The following ISM1 variants were observed in gnomAD, a reference collection of about 807,000 sequenced individuals.
The protein encoded by ISM1 is isthmin 1.
In ISM1, 25 loss-of-function variants were observed where a neutral mutation model predicts 46.3. That is an observed-to-expected ratio of 0.54 (90% CI 0.39 to 0.75). The LOEUF is 0.75. ISM1 is among the 30% of genes least tolerant of loss of function. The pLI, the probability that ISM1 is intolerant of heterozygous loss-of-function variation, is 0.00. For synonymous variants in ISM1, 255 were observed against 256.7 expected (o/e 0.99, Z 0.06); for missense variants, 536 against 625.4 (o/e 0.86, Z 1.52).
At chr20:13,276,803 T>G (rs1015195578) in intron 2 of ISM1, among the ~76,000 whole-genome samples, 7 of 152,174 alleles carry the variant, frequency 4.6e-5, no homozygotes, top group Non-Finnish European at 8.8e-5. Flanking sequence ...AAACGAGCCC[T>G]CGCCATTGGA....
At chr20:13,241,432 TGA>T (rs1022350175) in intron 1 of ISM1, among the ~76,000 whole-genome samples, 4 of 151,968 alleles carry the variant, frequency 2.6e-5, no homozygotes, top group African/African-American at 9.7e-5. Context: ...GATGCAAAAC[TGA>T]GAGAGGAGAA....
At chr20:13,280,391 ACCCC>A (rs33933983) in intron 3 of ISM1, among the ~76,000 whole-genome samples, 24 of 132,102 alleles carry the variant, frequency 1.8e-4, no homozygotes, top group African/African-American at 5.8e-4. Flanking sequence ...CTTCAAAGTA[ACCCC>A]CCCCCCCCAA....
In ISM1 at chr20:13,249,785, G is replaced by A. The variant is rs982894464; in HGVS notation, c.139-20719G>A. Among the ~76,000 whole-genome samples the A allele has an allele frequency of 2.7e-3, 16 of 6,004 alleles. No individual in the cohort carries two copies. In the East Asian group the frequency reaches 0.058, roughly 22 times the overall value. 3.9% of individuals were successfully genotyped at this position (6,004 alleles called of 152,430 possible). ...CCTCCATCATTTTTTGTTGCGTTTT[G>A]TTTTGTTTTGTTTTGTTTTGTTTTG... On this transcript the variant is annotated intron_variant, in intron 1 of 5. Coordinates refer to ENST00000262487, the MANE Select transcript of ISM1 (RefSeq NM_080826.2).
At chr20:13,286,589 G>A (rs1374327379) in intron 3 of ISM1, among the ~76,000 whole-genome samples, 2 of 152,120 alleles carry the variant, frequency 1.3e-5, no homozygotes, top group African/African-American at 4.8e-5. Context: ...GGCCTCGGGG[G>A]GCAGATAAGA....
intron 5 of ISM1, among the ~76,000 whole-genome samples, chr20:13,292,666 T>G (rs1214172980): frequency 6.6e-6 from 1 of 152,124 alleles, no homozygotes; most frequent in Non-Finnish European, 1.5e-5. Context: ...ACCGAGCGCT[T>G]CTGTGTTCAC....
intron 1 of ISM1, among the ~76,000 whole-genome samples, chr20:13,227,540 G>C (rs1311988627): frequency 8.7e-6 from 1 of 114,734 alleles, no homozygotes; most frequent in African/African-American, 3.4e-5. Context: ...ACGGAGTCTT[G>C]CTCTGTCACC....
intron 2 of ISM1, 87 bp downstream of exon 2, chr20:13,270,830 C>A: frequency 1.6e-6 from 2 of 1,290,124 alleles, no homozygotes; most frequent in Non-Finnish European, 2.2e-6. Flanking sequence ...GCTGCCTTAC[C>A]TCACTTTTCT....
intron 1 of ISM1, chr20:13,239,757 A>G (rs2039696624): frequency 1.3e-5 from 2 of 152,214 alleles, no homozygotes; most frequent in African/African-American, 4.8e-5. Flanking sequence ...GCCAAGCCCC[A>G]ATGTCTCATT....
intron 1 of ISM1, among the ~76,000 whole-genome samples, chr20:13,237,517 G>A (rs2039665545): frequency 1.3e-5 from 2 of 152,174 alleles, no homozygotes; most frequent in South Asian, 4.1e-4. Context: ...CCAGGAAAAA[G>A]GAACCTGTGC....
chr20:13,284,054 C>T (rs1220645432), intron 3 of ISM1, among the ~76,000 whole-genome samples: 3 of 152,228 alleles, frequency 2.0e-5, no homozygotes, highest in African/African-American at 7.2e-5. Flanking sequence ...AGTACCTTAA[C>T]CTCTCTGAGC....
At position 13,239,892 on chromosome 20, in the gene ISM1, C is replaced by G. The variant is rs1326055592; in HGVS notation, c.138+17978C>G. On this transcript the variant is annotated intron_variant, in intron 1 of 5. Coordinates refer to ENST00000262487, the MANE Select transcript of ISM1 (RefSeq NM_080826.2). ...ATCTTTCATGAAGCCACACAATCCC[C>G]CATTTCTGAACATCTGTAAAAGTTT... Among the ~76,000 whole-genome samples, 6 of 152,196 alleles carry G rather than the reference C, an allele frequency of 3.9e-5. No homozygotes were observed. The East Asian group carries it at 1.2e-3, about 29-fold the overall frequency.
At chr20:13,325,969 C>T in the ISM1 span, among the ~76,000 whole-genome samples, 2 of 152,178 alleles carry the variant, frequency 1.3e-5, no homozygotes, top group African/African-American at 2.4e-5. Flanking sequence ...TCTTTATAGT[C>T]ACATCTTCCA....
the ISM1 span, among the ~76,000 whole-genome samples, chr20:13,311,549 A>G: frequency 6.6e-6 from 1 of 152,260 alleles, no homozygotes; most frequent in Non-Finnish European, 1.5e-5. Context: ...GTTCATATAC[A>G]GATAAACAAG....
chr20:13,259,085 C>T (rs1214557991), intron 1 of ISM1, among the ~76,000 whole-genome samples: 1 of 152,122 alleles, frequency 6.6e-6, no homozygotes, highest in African/African-American at 2.4e-5. Context: ...GAGTTCAAGA[C>T]CAGCCTGGCC....
At chr20:13,318,294 G>C in the ISM1 span, among the ~76,000 whole-genome samples, 2 of 152,058 alleles carry the variant, frequency 1.3e-5, 1 homozygote, top group Non-Finnish European at 2.9e-5. Flanking sequence ...GATACCATTA[G>C]AATGGCCAAA....
At chr20:13,248,912 G>C (rs1367423846) in intron 1 of ISM1, among the ~76,000 whole-genome samples, 2 of 152,200 alleles carry the variant, frequency 1.3e-5, no homozygotes, top group African/African-American at 4.8e-5. Context: ...TGATGTAAGA[G>C]AGTTGATCAA....
chr20:13,307,080 T>C, the ISM1 span, among the ~76,000 whole-genome samples: 1 of 152,142 alleles, frequency 6.6e-6, no homozygotes, highest in Non-Finnish European at 1.5e-5. Flanking sequence ...TAAAGGCTTG[T>C]TCACACTACT....
chr20:13,271,402 T>G (rs929997325), intron 2 of ISM1, among the ~76,000 whole-genome samples: 13 of 152,034 alleles, frequency 8.6e-5, no homozygotes, highest in African/African-American at 2.9e-4. Context: ...GTGACTGGGG[T>G]TAAAAATAAT....
At chr20:13,248,250 C>T (rs2039825105) in intron 1 of ISM1, among the ~76,000 whole-genome samples, 1 of 152,108 alleles carries the variant, frequency 6.6e-6, no homozygotes, top group Non-Finnish European at 1.5e-5. Context: ...TCTTGTTGCT[C>T]CACTTGAAGC....
Sources: allele counts gnomAD v4.1 joint callset (sites outside exome capture counted in the v4.1 genomes callset), GRCh38; gene constraint gnomAD v4.1.1; transcripts MANE v1.5; gene names NCBI Gene and HGNC (gene_info 2026-07-23, HGNC 2026-07-21).